The following NTRK3 variants were observed in gnomAD, a reference collection of about 807,000 sequenced individuals.
NTRK3 encodes the protein neurotrophic receptor tyrosine kinase 3, also known as NT-3 growth factor receptor.
In NTRK3, 24 loss-of-function variants were observed where a neutral mutation model predicts 91.7. That is an observed-to-expected ratio of 0.26 (90% confidence interval 0.19 to 0.37). The LOEUF is 0.37. Ranked by LOEUF, NTRK3 falls within the 10% of genes least tolerant of loss-of-function variation. NTRK3 has a pLI of 1.00. For synonymous variants in NTRK3, 483 were observed against 404.0 expected (o/e 1.20, Z -2.34); for missense variants, 880 against 1,068.9 (o/e 0.82, Z 2.46).
At chr15:88,046,515 G>C (rs1186332198) in intron 13 of NTRK3, among the ~76,000 whole-genome samples, 1 of 152,138 alleles carries the variant, frequency 6.6e-6, no homozygotes, top group African/African-American at 2.4e-5. Flanking sequence ...GTCAACCAGG[G>C]GAGGACAGAG....
At chr15:88,180,433 C>T (rs1597798119) in intron 5 of NTRK3, among the ~76,000 whole-genome samples, 1 of 152,140 alleles carries the variant, frequency 6.6e-6, no homozygotes, top group South Asian at 2.1e-4. Flanking sequence ...TAAACCATGA[C>T]GTAAGGCCCA....
chr15:87,973,515 T>C (rs2073436551), intron 14 of NTRK3, among the ~76,000 whole-genome samples: 1 of 152,154 alleles, frequency 6.6e-6, no homozygotes, highest in South Asian at 2.1e-4. Flanking sequence ...TGAGGTTTTC[T>C]TGGGAGGTGG....
At chr15:88,074,490 C>T (rs10520673) in intron 13 of NTRK3, among the ~76,000 whole-genome samples, 51,398 of 152,072 alleles carry the variant, frequency 0.34, 9,235 homozygotes, top group Non-Finnish European at 0.41. Flanking sequence ...ACTGGTGAGT[C>T]CCTGTCTCTG....
intron 14 of NTRK3, among the ~76,000 whole-genome samples, chr15:87,995,552 G>T (rs569771174): frequency 7.9e-5 from 12 of 152,338 alleles, no homozygotes; most frequent in African/African-American, 2.4e-4. Flanking sequence ...AAATGGAAAT[G>T]ATTAGCTTGG....
chr15:88,138,300 C>T (rs542625345), intron 6 of NTRK3, among the ~76,000 whole-genome samples: 3 of 152,098 alleles, frequency 2.0e-5, no homozygotes, highest in East Asian at 3.9e-4. Context: ...GTCCCAGCTA[C>T]TCAGGAGGCT....
intron 13 of NTRK3, among the ~76,000 whole-genome samples, chr15:88,120,628 C>T (rs917460220): frequency 2.0e-5 from 3 of 152,224 alleles, no homozygotes; most frequent in Admixed American, 6.5e-5. Flanking sequence ...CCTCCATCAG[C>T]TCCTATCTTT....
intron 14 of NTRK3, chr15:87,978,194 G>A (rs1374139386): frequency 1.7e-5 from 4 of 230,232 alleles, no homozygotes; most frequent in East Asian, 6.2e-5. Context: ...CCTCTCCTCA[G>A]TGGATCAAGT....
intron 14 of NTRK3, among the ~76,000 whole-genome samples, chr15:87,944,178 G>C (rs1202480691): frequency 6.6e-6 from 1 of 152,200 alleles, no homozygotes; most frequent in Non-Finnish European, 1.5e-5. Context: ...GGAAAGGACT[G>C]GTTCCTCATC....
At chr15:87,933,042 A>G (rs2068946024) in exon 16 of NTRK3, 1 of 1,613,988 alleles carries the variant, frequency 6.2e-7, no homozygotes, top group African/African-American at 1.3e-5. Context: ...TCCATGCTTC[A>G]TGTATTCAAA....
intron 17 of NTRK3, among the ~76,000 whole-genome samples, chr15:87,889,396 C>CTTTTTTTTTTTTTTTTT (rs568030482): frequency 2.1e-5 from 2 of 95,630 alleles, no homozygotes; most frequent in African/African-American, 4.9e-5. Flanking sequence ...TTATTAGTTC[C>CTTTTTTTTTTTTTTTTT]TTTTTTTTTT....
intron 10 of NTRK3, among the ~76,000 whole-genome samples, chr15:88,132,904 G>A (rs1020292111): frequency 6.6e-6 from 1 of 152,124 alleles, no homozygotes; most frequent in Non-Finnish European, 1.5e-5. Context: ...CTCAGGTGAG[G>A]TGCTTTCTCT....
intron 13 of NTRK3, among the ~76,000 whole-genome samples, chr15:88,085,862 G>T (rs2048452387): frequency 6.6e-6 from 1 of 152,204 alleles, no homozygotes; most frequent in South Asian, 2.1e-4. Flanking sequence ...GGCCAATAGG[G>T]ATACAGAGAT....
intron 14 of NTRK3, among the ~76,000 whole-genome samples, chr15:87,944,328 G>A (rs1299631824): frequency 6.6e-6 from 1 of 152,154 alleles, no homozygotes; most frequent in Non-Finnish European, 1.5e-5. Context: ...AATACCATAT[G>A]AGCAGCTTCT....
chr15:87,949,105 A>C (rs1436284150), intron 14 of NTRK3, among the ~76,000 whole-genome samples: 1 of 152,178 alleles, frequency 6.6e-6, no homozygotes, highest in Non-Finnish European at 1.5e-5. Flanking sequence ...ACTCCCCCTG[A>C]AGCACTGCTA....
At chr15:87,935,250 A>G (rs1352937030) in intron 15 of NTRK3, among the ~76,000 whole-genome samples, 1 of 152,208 alleles carries the variant, frequency 6.6e-6, no homozygotes, top group East Asian at 1.9e-4. Flanking sequence ...GGCTGCCAAC[A>G]GAGTGGCTGA....
chr15:88,207,531 A>G (rs937395333), intron 3 of NTRK3, among the ~76,000 whole-genome samples: 1 of 152,226 alleles, frequency 6.6e-6, no homozygotes, highest in African/African-American at 2.4e-5. Context: ...CTGTGGCCTC[A>G]TCCAGTCACA....
intron 5 of NTRK3, among the ~76,000 whole-genome samples, chr15:88,172,448 T>C (rs1297386824): frequency 6.6e-6 from 1 of 152,088 alleles, no homozygotes; most frequent in Non-Finnish European, 1.5e-5. Flanking sequence ...ATGGAAAACA[T>C]GAGCACAGTG....
chr15:88,127,936 C>T (rs1329773725), intron 11 of NTRK3, among the ~76,000 whole-genome samples: 1 of 152,160 alleles, frequency 6.6e-6, no homozygotes, highest in East Asian at 1.9e-4. Context: ...TCAGAATTCT[C>T]TGAAGGAATA....
chr15:87,957,255 C>A (rs887653516), intron 14 of NTRK3, among the ~76,000 whole-genome samples: 2 of 151,704 alleles, frequency 1.3e-5, no homozygotes, highest in African/African-American at 4.9e-5. Flanking sequence ...AGAAAAAATA[C>A]CTATTAGGTA....
Sources: allele counts gnomAD v4.1 joint callset (sites outside exome capture counted in the v4.1 genomes callset), GRCh38; gene constraint gnomAD v4.1.1; transcripts MANE v1.5; gene names NCBI Gene and HGNC (gene_info 2026-07-23, HGNC 2026-07-21).